Variants in SPARCL1 observed in about 807,000 individuals in gnomAD.
SPARCL1 encodes the protein SPARC like 1.
In SPARCL1, 52 loss-of-function variants were observed where a neutral mutation model predicts 67.1. The ratio of observed to expected loss-of-function variants is 0.78; its 90% CI spans 0.62 to 0.98. SPARCL1 has a LOEUF of 0.98. Ranked by LOEUF, SPARCL1 falls within the 50% of genes least tolerant of loss-of-function variation. The pLI is 0.00. For missense variants in SPARCL1, 717 were observed against 782.4 expected, an observed-to-expected ratio of 0.92 and a Z score of 1.00; for synonymous variants, 226 against 267.8, an observed-to-expected ratio of 0.84 and a Z score of 1.52.
chr4:87,483,597 T>C (rs1475682716), intron 7 of SPARCL1, among the ~76,000 whole-genome samples: 1 of 152,232 alleles, frequency 6.6e-6, no homozygotes, highest in Non-Finnish European at 1.5e-5. Context: ...TTTGGGTATA[T>C]ACCCAGTAAT....
chr4:87,518,229 G>A (rs1392902419), intron 1 of SPARCL1, among the ~76,000 whole-genome samples: 1 of 150,800 alleles, frequency 6.6e-6, no homozygotes, highest in Non-Finnish European at 1.5e-5. Context: ...ATGCCTTCAA[G>A]CAAGGAAAAG....
intron 8 of SPARCL1, among the ~76,000 whole-genome samples, chr4:87,480,820 C>CTT (rs1553967987): frequency 3.7e-5 from 5 of 133,386 alleles, no homozygotes; most frequent in Admixed American, 1.5e-4. Flanking sequence ...ATGTTCGCTG[C>CTT]TTTTTTTTTT....
In SPARCL1 at chr4:87,529,305, C is replaced by A. The variant is rs777087016; in HGVS notation, c.-272G>T. On this transcript the variant is annotated 5_prime_UTR_variant, in exon 1 of 11. Transcript: ENST00000282470. The stretch of plus-strand genomic sequence containing the variant: ...ACCAGAGAGTATTTCAGACTGTCAT[C>A]GTTTTTGTTGCAGATTCCTGGATTT... The A allele has an allele frequency of 6.6e-6, 1 of 152,168 alleles. No homozygotes were observed. The highest frequency in any genetic ancestry group is 2.1e-4 in the South Asian group (1 of 4,832). The allele number at this position is 152,168 out of a possible 1,614,324, so 9.4% of individuals were successfully genotyped here.
At chr4:87,492,115 C>A (rs1460870386) in intron 4 of SPARCL1, among the ~76,000 whole-genome samples, 1 of 151,418 alleles carries the variant, frequency 6.6e-6, no homozygotes, top group East Asian at 2.0e-4. Context: ...AAGACTCCAT[C>A]TCTAAAAACA....
intron 1 of SPARCL1, among the ~76,000 whole-genome samples, chr4:87,520,399 T>C (rs1487729421): frequency 6.6e-6 from 1 of 152,100 alleles, no homozygotes; most frequent in African/African-American, 2.4e-5. Flanking sequence ...AGGGAGCAAG[T>C]GTTGGCTCAA....
intron 1 of SPARCL1, among the ~76,000 whole-genome samples, chr4:87,526,474 T>A (rs1329251243): frequency 6.6e-6 from 1 of 152,224 alleles, no homozygotes; most frequent in Non-Finnish European, 1.5e-5. Context: ...TGGCATTTAA[T>A]AAACATCACA....
At chr4:87,475,449 ATGT>A (rs907717934) in intron 10 of SPARCL1, among the ~76,000 whole-genome samples, 8 of 151,874 alleles carry the variant, frequency 5.3e-5, no homozygotes, top group Non-Finnish European at 1.2e-4. Flanking sequence ...CATCATCTAG[ATGT>A]TGTTGTTTCT....
In SPARCL1 at chr4:87,482,578, T is replaced by C. The variant is rs2110215052; in HGVS notation, c.1532-18A>G. The C allele has an allele frequency of 6.2e-7, 1 of 1,613,598 alleles. No individual in the cohort carries two copies. The highest frequency in any genetic ancestry group is 8.5e-7 in the Non-Finnish European group (1 of 1,179,682). On this transcript the variant is annotated intron_variant, in intron 7 of 10. Coordinates refer to ENST00000282470, the MANE Select transcript of SPARCL1 (RefSeq NM_004684.6). Reference sequence around the variant, plus strand: ...AGGAATAGCTGTTACAAGCAGAAAATGTACTGTAATCTTTGGGCTTATTTG... The same window carrying C: ...AGGAATAGCTGTTACAAGCAGAAAACGTACTGTAATCTTTGGGCTTATTTG...
intron 1 of SPARCL1, among the ~76,000 whole-genome samples, chr4:87,513,894 G>A (rs1024782118): frequency 6.6e-6 from 1 of 152,130 alleles, no homozygotes; most frequent in East Asian, 1.9e-4. Context: ...CGAGGAAATA[G>A]GAATATTCCT....
chr4:87,497,211 T>C, intron 2 of SPARCL1: 1 of 985,350 alleles, frequency 1.0e-6, no homozygotes, highest in South Asian at 4.7e-5. Flanking sequence ...AGGTTTGGTT[T>C]GCTCCTTTGC....
intron 8 of SPARCL1, among the ~76,000 whole-genome samples, chr4:87,480,951 C>T (rs2110213437): frequency 6.6e-6 from 1 of 152,144 alleles, no homozygotes; most frequent in South Asian, 2.1e-4. Flanking sequence ...GGTCATCCAT[C>T]CAGTGCCCAC....
chr4:87,526,483 C>T (rs1269537434), intron 1 of SPARCL1, among the ~76,000 whole-genome samples: 1 of 152,200 alleles, frequency 6.6e-6, no homozygotes, highest in Non-Finnish European at 1.5e-5. Context: ...ATAAACATCA[C>T]ATTTCATTCC....
chr4:87,508,084 A>T, intron 1 of SPARCL1, among the ~76,000 whole-genome samples: 1 of 152,196 alleles, frequency 6.6e-6, no homozygotes, highest in Admixed American at 6.5e-5. Flanking sequence ...CCTTTTATGG[A>T]GACTTCATGA....
rs145907688 is a variant in SPARCL1, at chr4:87,512,264, C to T, written c.-11-12679G>A. Among the ~76,000 whole-genome samples the T allele has an allele frequency of 6.9e-4, 105 of 152,106 alleles. 1 individual carries two copies. The highest frequency in any genetic ancestry group is 1.2e-3 in the Non-Finnish European group (83 of 67,988). ...GATTACAGGCATGAGCCACCATGCCCGGCCCCAGATTTCCCTTCTGTGCTG... is the reference window on the plus strand; with the variant it reads ...GATTACAGGCATGAGCCACCATGCCTGGCCCCAGATTTCCCTTCTGTGCTG... On this transcript the variant is annotated intron_variant, in intron 1 of 10. Transcript: ENST00000282470.
chr4:87,481,808 A>C (rs1723833742), intron 8 of SPARCL1, among the ~76,000 whole-genome samples: 1 of 152,218 alleles, frequency 6.6e-6, no homozygotes. Flanking sequence ...ATATACAAAC[A>C]TTACATACAC....
chr4:87,473,808 A>T lies in SPARCL1; in HGVS notation c.1967-5T>A, dbSNP rs373740800. ...AGAGATTTTCATCTATGTCCTCTAT[A>T]AAAAAACAAGAAGCAAAATGACACT... On this transcript the variant is annotated splice_region_variant and splice_polypyrimidine_tract_variant and intron_variant, in intron 10 of 10. Transcript: ENST00000282470. 165 of 1,600,700 alleles carry T rather than the reference A, an allele frequency of 1.0e-4. No homozygotes were observed. The highest frequency in any genetic ancestry group is 1.4e-4 in the Admixed American group (8 of 59,108).
chr4:87,474,593 C>T (rs973690606), intron 10 of SPARCL1, among the ~76,000 whole-genome samples: 1 of 152,090 alleles, frequency 6.6e-6, no homozygotes, highest in Non-Finnish European at 1.5e-5. Flanking sequence ...ACAAGATTCT[C>T]CTTTTACTTT....
chr4:87,522,552 G>A (rs944290053), intron 1 of SPARCL1, among the ~76,000 whole-genome samples: 6 of 151,412 alleles, frequency 4.0e-5, no homozygotes, highest in Non-Finnish European at 8.8e-5. Flanking sequence ...AATAGGCCAC[G>A]ATCCCTCTTG....
At chr4:87,473,880 G>T in intron 10 of SPARCL1, 77 bp from the exon 11 acceptor site, 3 of 993,202 alleles carry the variant, frequency 3.0e-6, no homozygotes, top group South Asian at 1.4e-5. Context: ...TAGAGTTGGG[G>T]GATTAGAGAA....
Sources: allele counts gnomAD v4.1 joint callset (sites outside exome capture counted in the v4.1 genomes callset), GRCh38; gene constraint gnomAD v4.1.1; transcripts MANE v1.5; gene names NCBI Gene and HGNC (gene_info 2026-07-23, HGNC 2026-07-21).